The following NEDD4L variants were observed in gnomAD, a reference collection of about 807,000 sequenced individuals.
NEDD4L encodes the protein NEDD4 like E3 ubiquitin protein ligase.
NEDD4L carries 54 observed loss-of-function variants against 148.9 expected under a neutral mutation model. The ratio of observed to expected loss-of-function variants is 0.36; its 90% CI spans 0.29 to 0.45. The LOEUF (loss-of-function observed/expected upper bound fraction) is 0.45, where lower values mean the gene tolerates loss of function less well. Among genes scored for constraint, NEDD4L ranks in the 20% least tolerant of loss-of-function variants. The pLI, the probability that NEDD4L is intolerant of heterozygous loss-of-function variation, is 1.00. For missense variants in NEDD4L, 856 were observed against 1,233.8 expected (o/e 0.69, Z 4.59); for synonymous variants, 433 against 440.7 (o/e 0.98, Z 0.22).
intron 1 of NEDD4L, among the ~76,000 whole-genome samples, chr18:58,067,422 C>T (rs146498096): frequency 5.3e-4 from 80 of 152,184 alleles, no homozygotes; most frequent in Middle Eastern, 3.4e-3. Flanking sequence ...TTGCTATTTT[C>T]GTTTAAGGGG....
chr18:58,327,358 A>G (rs989474125), intron 9 of NEDD4L, among the ~76,000 whole-genome samples: 1 of 152,160 alleles, frequency 6.6e-6, no homozygotes, highest in Non-Finnish European at 1.5e-5. Flanking sequence ...CAGCCTCCCA[A>G]AGTGCTAGGA....
chr18:58,367,653 C>A, intron 21 of NEDD4L, 93 bp from the exon 22 acceptor site: 1 of 1,360,070 alleles, frequency 7.4e-7, no homozygotes, highest in Non-Finnish European at 1.0e-6. Context: ...CTCGCAGGGA[C>A]ACTGTAAAAG....
At position 58,155,583 on chromosome 18, in the gene NEDD4L, C is replaced by T. The variant is rs542163124; in HGVS notation, c.49-10205C>T. On this transcript the variant is annotated intron_variant, in intron 1 of 30. Transcript: ENST00000400345. ...CTGAAAAGTTAAATCTCATAATGGA[C>T]ATTTGCACCCTTTAAGGAAGTAAAG... 3.9e-5 allele frequency among the ~76,000 whole-genome samples: 6 copies of T among 152,274 alleles called. No individual in the cohort carries two copies. The South Asian group carries it at 8.3e-4, about 21-fold the overall frequency.
At chr18:58,169,872 A>G (rs7243777) in intron 2 of NEDD4L, among the ~76,000 whole-genome samples, 1,904 of 152,278 alleles carry the variant, frequency 0.013, 33 homozygotes, top group African/African-American at 0.042. Flanking sequence ...TGGGGTGCCC[A>G]TGACCCCTGG....
At chr18:58,113,341 A>G (rs1429119691) in intron 1 of NEDD4L, among the ~76,000 whole-genome samples, 1 of 152,236 alleles carries the variant, frequency 6.6e-6, no homozygotes, top group African/African-American at 2.4e-5. Context: ...ATATACCTTT[A>G]TTGAATCAAG....
At chr18:58,336,868 A>G (rs746953334) in intron 13 of NEDD4L, among the ~76,000 whole-genome samples, 1 of 152,338 alleles carries the variant, frequency 6.6e-6, no homozygotes, top group East Asian at 1.9e-4. Flanking sequence ...CCCACCGTGC[A>G]CTTGTAATTT....
At chr18:58,394,157 A>G (rs1049938445) in intron 30 of NEDD4L, among the ~76,000 whole-genome samples, 8 of 152,140 alleles carry the variant, frequency 5.3e-5, no homozygotes, top group Non-Finnish European at 1.5e-5. Flanking sequence ...AATGATAGGA[A>G]CTCACACTCA....
chr18:58,376,551 A>T (rs2146453326), intron 24 of NEDD4L, among the ~76,000 whole-genome samples: 1 of 152,278 alleles, frequency 6.6e-6, no homozygotes, highest in East Asian at 1.9e-4. Context: ...AGTTGTTCAC[A>T]CACCTCCCAA....
At chr18:58,100,831 G>A (rs1395679118) in intron 1 of NEDD4L, among the ~76,000 whole-genome samples, 1 of 152,206 alleles carries the variant, frequency 6.6e-6, no homozygotes, top group Non-Finnish European at 1.5e-5. Context: ...TTTTGAGACA[G>A]GGTCTTGCTC....
At chr18:58,317,287 A>G (rs1274093965) in intron 6 of NEDD4L, among the ~76,000 whole-genome samples, 1 of 152,228 alleles carries the variant, frequency 6.6e-6, no homozygotes, top group Admixed American at 6.5e-5. Context: ...TGCTCTTCTC[A>G]GGTCACGTTG....
chr18:58,249,283 T>C (rs1190829625), intron 4 of NEDD4L, among the ~76,000 whole-genome samples: 1 of 152,234 alleles, frequency 6.6e-6, no homozygotes, highest in South Asian at 2.1e-4. Context: ...TTAGAGAGAG[T>C]AAAACAGTAG....
At chr18:58,370,276 C>T (rs1359889355) in intron 22 of NEDD4L, 121 bp from the exon 23 acceptor site, 2 of 685,292 alleles carry the variant, frequency 2.9e-6, no homozygotes, top group East Asian at 2.7e-5. Flanking sequence ...TGTAGAAGGC[C>T]CTTGGTTACT....
intron 2 of NEDD4L, chr18:58,195,271 C>T (rs1428683180): frequency 4.2e-6 from 2 of 480,632 alleles, no homozygotes; most frequent in Non-Finnish European, 6.7e-6. Context: ...CATAACTTCC[C>T]TGGTGTTGTT....
intron 1 of NEDD4L, among the ~76,000 whole-genome samples, chr18:58,119,229 G>A (rs970396124): frequency 7.2e-5 from 11 of 152,048 alleles, no homozygotes; most frequent in African/African-American, 2.7e-4. Flanking sequence ...ATTCTCATGG[G>A]CCATGGAGAG....
intron 1 of NEDD4L, among the ~76,000 whole-genome samples, chr18:58,094,619 C>G (rs1489066485): frequency 1.3e-5 from 2 of 152,192 alleles, no homozygotes; most frequent in African/African-American, 2.4e-5. Flanking sequence ...CATGCTCAGC[C>G]CCGTGGACTG....
At chr18:58,200,882 A>G (rs114454815) in intron 2 of NEDD4L, among the ~76,000 whole-genome samples, 59 of 152,376 alleles carry the variant, frequency 3.9e-4, no homozygotes, top group Middle Eastern at 3.4e-3. Flanking sequence ...ATTACTTTGC[A>G]GTAGGAGTCA....
chr18:58,147,533 A>G (rs768657036), intron 1 of NEDD4L, among the ~76,000 whole-genome samples: 7 of 152,210 alleles, frequency 4.6e-5, no homozygotes, highest in Non-Finnish European at 1.0e-4. Context: ...CCAAAGCTTC[A>G]CTGTCCCTTT....
chr18:58,353,843 C>T (rs1488434453), intron 18 of NEDD4L, among the ~76,000 whole-genome samples: 1 of 152,186 alleles, frequency 6.6e-6, no homozygotes, highest in Non-Finnish European at 1.5e-5. Context: ...GCCACAATGC[C>T]GTGAGTGCCG....
intron 2 of NEDD4L, among the ~76,000 whole-genome samples, chr18:58,167,766 C>T (rs1248780053): frequency 2.6e-5 from 4 of 152,016 alleles, no homozygotes; most frequent in East Asian, 1.9e-4. Context: ...GCATGCCAAC[C>T]GGTAGTGGAT....
Sources: allele counts gnomAD v4.1 joint callset (sites outside exome capture counted in the v4.1 genomes callset), GRCh38; gene constraint gnomAD v4.1.1; transcripts MANE v1.5; gene names NCBI Gene and HGNC (gene_info 2026-07-23, HGNC 2026-07-21).